Variants in PRKCA observed in about 807,000 individuals in gnomAD.
PRKCA encodes protein kinase C alpha.
PRKCA carries 27 observed loss-of-function variants against 87.0 expected under a neutral mutation model. That is an observed-to-expected ratio of 0.31 (90% CI 0.23 to 0.43). The LOEUF is 0.43. PRKCA is among the 20% of genes least tolerant of loss of function. The probability of loss-of-function intolerance (pLI) is 1.00; values close to 1 mark genes in which losing one functional copy is unlikely to be tolerated. For missense variants in PRKCA, 518 were observed against 852.3 expected, an observed-to-expected ratio of 0.61 and a Z score of 4.88; for synonymous variants, 329 against 311.1, an observed-to-expected ratio of 1.06 and a Z score of -0.61.
chr17:66,448,565 T>C (rs1914152600), intron 2 of PRKCA, among the ~76,000 whole-genome samples: 2 of 152,186 alleles, frequency 1.3e-5, no homozygotes, highest in African/African-American at 4.8e-5. Context: ...ATAGTATATA[T>C]TAAAATAAAG....
At chr17:66,502,492 C>T (rs1237495260) in intron 3 of PRKCA, among the ~76,000 whole-genome samples, 1 of 152,146 alleles carries the variant, frequency 6.6e-6, no homozygotes, top group Non-Finnish European at 1.5e-5. Context: ...ACCTAGGCCT[C>T]CCAAAGTGCT....
At chr17:66,733,815 AG>A (rs1186023445) in intron 9 of PRKCA, among the ~76,000 whole-genome samples, 3 of 152,334 alleles carry the variant, frequency 2.0e-5, no homozygotes, top group African/African-American at 7.2e-5. Context: ...AAATAAAAAA[AG>A]GTGGAAGTTG....
At chr17:66,679,403 A>G (rs1972429981) in intron 5 of PRKCA, among the ~76,000 whole-genome samples, 1 of 151,932 alleles carries the variant, frequency 6.6e-6, no homozygotes, top group Non-Finnish European at 1.5e-5. Flanking sequence ...GGATGGTCTC[A>G]ATCTCCTGAC....
intron 3 of PRKCA, among the ~76,000 whole-genome samples, chr17:66,498,374 C>T (rs999835089): frequency 6.6e-6 from 1 of 152,162 alleles, no homozygotes; most frequent in African/African-American, 2.4e-5. Flanking sequence ...TCTTTCCTCT[C>T]TTCTCTTCTC....
chr17:66,651,969 A>AT (rs1272465119), intron 5 of PRKCA, among the ~76,000 whole-genome samples: 1 of 151,740 alleles, frequency 6.6e-6, no homozygotes, highest in Non-Finnish European at 1.5e-5. Context: ...TTGTTTATTT[A>AT]TTTTTTTGAG....
intron 2 of PRKCA, among the ~76,000 whole-genome samples, chr17:66,433,014 A>G (rs987809150): frequency 1.3e-5 from 2 of 152,162 alleles, no homozygotes; most frequent in African/African-American, 2.4e-5. Flanking sequence ...AAGTGTCCAA[A>G]ACTAGACTCT....
intron 4 of PRKCA, among the ~76,000 whole-genome samples, chr17:66,645,156 G>T (rs1268685434): frequency 6.6e-6 from 1 of 152,184 alleles, no homozygotes; most frequent in Non-Finnish European, 1.5e-5. Flanking sequence ...TTTTGCTTCA[G>T]TGAAGACTGA....
At chr17:66,475,413 G>A (rs1915497733) in intron 2 of PRKCA, among the ~76,000 whole-genome samples, 1 of 152,154 alleles carries the variant, frequency 6.6e-6, no homozygotes, top group Non-Finnish European at 1.5e-5. Context: ...CATTTCTGTA[G>A]TTTTGAAGCT....
intron 3 of PRKCA, among the ~76,000 whole-genome samples, chr17:66,596,286 G>T (rs532105456): frequency 6.6e-6 from 1 of 152,272 alleles, no homozygotes; most frequent in African/African-American, 2.4e-5. Flanking sequence ...ATAAAAGCAA[G>T]ATAAGAAAAA....
chr17:66,755,129 C>A (rs1177911185), intron 13 of PRKCA, among the ~76,000 whole-genome samples: 12 of 152,206 alleles, frequency 7.9e-5, no homozygotes, highest in Non-Finnish European at 1.5e-5. Context: ...TCATCCCAAA[C>A]AAGAGCTTCC....
At chr17:66,472,188 G>C (rs1432627909) in intron 2 of PRKCA, among the ~76,000 whole-genome samples, 1 of 152,118 alleles carries the variant, frequency 6.6e-6, no homozygotes, top group East Asian at 1.9e-4. Context: ...TGGTCCTCTG[G>C]CTTCAGCCTC....
At chr17:66,588,635 C>CTTTTTTT (rs397856363) in intron 3 of PRKCA, among the ~76,000 whole-genome samples, 7 of 39,104 alleles carry the variant, frequency 1.8e-4, no homozygotes, top group African/African-American at 7.0e-4. Flanking sequence ...TTTTGCTTTG[C>CTTTTTTT]TTTTTTTTTT....
chr17:66,563,048 A>T (rs1968765823), intron 3 of PRKCA, among the ~76,000 whole-genome samples: 3 of 151,960 alleles, frequency 2.0e-5, no homozygotes, highest in Admixed American at 2.0e-4. Flanking sequence ...TTTTAGAGCC[A>T]TTGTTTTAGG....
chr17:66,770,245 T>C (rs1194518600), intron 13 of PRKCA, among the ~76,000 whole-genome samples: 1 of 152,214 alleles, frequency 6.6e-6, no homozygotes, highest in Admixed American at 6.5e-5. Flanking sequence ...TTAAACAAAG[T>C]TATTAAATAT....
chr17:66,361,285 T>G (rs1306855781), intron 2 of PRKCA, among the ~76,000 whole-genome samples: 1 of 151,844 alleles, frequency 6.6e-6, no homozygotes, highest in Non-Finnish European at 1.5e-5. Flanking sequence ...CTCTCTCCTT[T>G]GTAAGTCTTT....
intron 2 of PRKCA, among the ~76,000 whole-genome samples, chr17:66,455,742 C>T (rs1349266485): frequency 6.6e-6 from 1 of 152,130 alleles, no homozygotes; most frequent in Non-Finnish European, 1.5e-5. Flanking sequence ...GCCTGCCTGC[C>T]TTCTGCTCTT....
chr17:66,512,113 C>T (rs1326323853), intron 3 of PRKCA, among the ~76,000 whole-genome samples: 1 of 152,118 alleles, frequency 6.6e-6, no homozygotes, highest in Admixed American at 6.6e-5. Context: ...CCATCCCCTA[C>T]AGTTTACCCT....
At chr17:66,555,625 A>T (rs985031893) in intron 3 of PRKCA, among the ~76,000 whole-genome samples, 1 of 152,168 alleles carries the variant, frequency 6.6e-6, no homozygotes, top group African/African-American at 2.4e-5. Context: ...CTTGTAGCCT[A>T]GATTATCCTT....
intron 3 of PRKCA, among the ~76,000 whole-genome samples, chr17:66,557,867 CA>C (rs1272467529): frequency 6.6e-6 from 1 of 152,116 alleles, no homozygotes; most frequent in African/African-American, 2.4e-5. Context: ...AGCTCATATA[CA>C]GAATAGGTGC....
Sources: gnomAD v4.1 joint callset for allele counts (sites outside exome capture counted in the v4.1 genomes callset) on GRCh38, gnomAD v4.1.1 for gene constraint, MANE v1.5 for transcripts, NCBI Gene and HGNC (gene_info 2026-07-23, HGNC 2026-07-21) for gene names.